DCHS2: variants seen among roughly 807,000 people sequenced by gnomAD.
The protein encoded by DCHS2 is dachsous cadherin-related 2, also known as protocadherin-23.
A neutral mutation model predicts 182.4 loss-of-function variants in DCHS2; 142 were observed. The observed-to-expected ratio is 0.78, with a 90% confidence interval of 0.68 to 0.89. DCHS2 has a LOEUF of 0.89. Among genes scored for constraint, DCHS2 ranks in the 40% least tolerant of loss-of-function variants. DCHS2 has a pLI of 0.00. For missense variants in DCHS2, 4,319 were observed against 4,198.6 expected (o/e 1.03, Z -0.79); for synonymous variants, 1,740 against 1,663.3 (o/e 1.05, Z -1.12).
Position 154,491,344 on chromosome 4 carries a change from A to G in DCHS2, c.12T>C (p.Cys4=). 1 of 1,534,134 alleles carries G rather than the reference A, an allele frequency of 6.5e-7. No individual in the cohort carries two copies. Among genetic ancestry groups the G allele is most frequent in the South Asian group, 1.2e-5 (1 of 82,310 alleles). The part of the protein sequence containing the change: MSP[C]GRKMGEGRQQ... ...GACGCCCTTCGCCCATCTTCCGCCCACAAGGGCTCATTTCTCCTCCAGCTC... is the reference window on the plus strand; with the variant it reads ...GACGCCCTTCGCCCATCTTCCGCCCGCAAGGGCTCATTTCTCCTCCAGCTC... Residue 4 remains cysteine, a synonymous_variant, in exon 1 of 20, where the codon TGT becomes TGC. Transcript: ENST00000357232.
intron 18 of DCHS2, among the ~76,000 whole-genome samples, 192 bp from the exon 19 acceptor site, chr4:154,239,494 G>GA (rs1731698986): frequency 2.0e-5 from 3 of 152,098 alleles, no homozygotes; most frequent in Admixed American, 6.5e-5. Flanking sequence ...CCTGGATTCA[G>GA]AAAAAAAGGT....
intron 13 of DCHS2, among the ~76,000 whole-genome samples, chr4:154,283,941 G>T (rs960779627): frequency 6.6e-6 from 1 of 152,134 alleles, no homozygotes; most frequent in Admixed American, 6.6e-5. Flanking sequence ...CTAGAATCCA[G>T]AGCCTGCATG....
intron 1 of DCHS2, among the ~76,000 whole-genome samples, chr4:154,398,535 T>A (rs889568781): frequency 2.6e-5 from 4 of 152,194 alleles, no homozygotes; most frequent in African/African-American, 9.7e-5. Context: ...CAACACATCA[T>A]TGTTGGGATC....
At chr4:154,434,958 T>C (rs6833061) in intron 1 of DCHS2, among the ~76,000 whole-genome samples, 123,154 of 152,004 alleles carry the variant, frequency 0.81, 52,960 homozygotes, top group Non-Finnish European at 0.95. Context: ...CAGGGAGACA[T>C]GCTGCATAAA....
intron 13 of DCHS2, among the ~76,000 whole-genome samples, chr4:154,286,012 A>C (rs1014088813): frequency 2.0e-5 from 3 of 152,172 alleles, no homozygotes; most frequent in Non-Finnish European, 4.4e-5. Flanking sequence ...AGCTTCAGGC[A>C]GCTCAGCACA....
At position 154,235,247 on chromosome 4, in the gene DCHS2, G is replaced by T; in HGVS notation, c.9405C>A (p.Ile3135=). 6.2e-7 allele frequency: 1 copy of T among 1,614,048 alleles called. No individual in the cohort carries two copies. The highest frequency in any genetic ancestry group is 1.1e-5 in the South Asian group (1 of 91,078). Residue 3135 remains isoleucine (I), a synonymous_variant, in exon 20 of 20, where the codon ATC becomes ATA. Transcript: ENST00000357232. ...AGGAGAGCTGGTCTGAGTCCCTCGGGATACCCGAGTCTGGCACCCTGGACT... is the reference window on the plus strand; with the variant it reads ...AGGAGAGCTGGTCTGAGTCCCTCGGTATACCCGAGTCTGGCACCCTGGACT... ...DHESRVPDSG[I]PRDSDQLSCL...
chr4:154,274,809 AT>A (rs150861343), intron 13 of DCHS2, among the ~76,000 whole-genome samples: 2,514 of 152,000 alleles, frequency 0.017, 58 homozygotes, highest in African/African-American at 0.047. Context: ...GCCAAAAGCA[AT>A]TTTTTTTAAC....
At chr4:154,482,885 A>T (rs1310207867) in intron 1 of DCHS2, among the ~76,000 whole-genome samples, 1 of 152,236 alleles carries the variant, frequency 6.6e-6, no homozygotes, top group Non-Finnish European at 1.5e-5. Flanking sequence ...TCTACTGAGT[A>T]GGAAGCATAG....
chr4:154,296,287 A>G (rs1734920189), intron 13 of DCHS2, among the ~76,000 whole-genome samples: 1 of 152,202 alleles, frequency 6.6e-6, no homozygotes, highest in Non-Finnish European at 1.5e-5. Context: ...AAAGAGATTC[A>G]GAACAGTTAC....
intron 1 of DCHS2, among the ~76,000 whole-genome samples, chr4:154,425,389 C>T (rs1191794305): frequency 2.6e-5 from 4 of 152,212 alleles, no homozygotes; most frequent in African/African-American, 9.6e-5. Flanking sequence ...GAGTGCATTT[C>T]TTCCAGATAG....
rs143907264 is a variant in DCHS2, at chr4:154,250,438, T to C, written c.6941+5081A>G. Among the ~76,000 whole-genome samples the C allele has an allele frequency of 9.9e-3, 1,503 of 152,290 alleles. 20 individuals carry two copies. The highest frequency in any genetic ancestry group is 0.035 in the African/African-American group (1,439 of 41,566). On this transcript the variant is annotated intron_variant, in intron 16 of 19. Coordinates refer to ENST00000357232, the MANE Select transcript of DCHS2 (RefSeq NM_001358235.2). Reference sequence around the variant, plus strand: ...ATGAATCTCAAATCCATATCTTGAGTGAAGACCCCTACCCTGAGCTACAGA... The same window carrying C: ...ATGAATCTCAAATCCATATCTTGAGCGAAGACCCCTACCCTGAGCTACAGA...
intron 3 of DCHS2, among the ~76,000 whole-genome samples, chr4:154,356,159 AC>A (rs1298285026): frequency 5.3e-5 from 8 of 151,884 alleles, no homozygotes; most frequent in African/African-American, 1.9e-4. Context: ...CATGCTCTTG[AC>A]CCTGTGTAGG....
chr4:154,271,191 A>G lies in DCHS2; in HGVS notation c.6464-1178T>C, dbSNP rs928563332. ...AATAGGAAGTATAAATACAGTGTGA[A>G]GAAGGGTAAGAGAGGTAGCAAGAGA... On this transcript the variant is annotated intron_variant, in intron 13 of 19. Transcript: ENST00000357232. 3.0e-4 allele frequency among the ~76,000 whole-genome samples: 46 copies of G among 152,160 alleles called. 1 individual carries two copies. Among genetic ancestry groups the G allele is most frequent in the Admixed American group, 3.0e-3 (46 of 15,258 alleles).
intron 2 of DCHS2, among the ~76,000 whole-genome samples, chr4:154,375,682 C>T (rs986027694): frequency 2.0e-5 from 3 of 151,938 alleles, no homozygotes; most frequent in Admixed American, 6.6e-5. Flanking sequence ...AAATATCAAA[C>T]ATTAGGGAGA....
intron 7 of DCHS2, among the ~76,000 whole-genome samples, chr4:154,324,583 C>G (rs1316697890): frequency 6.6e-6 from 1 of 152,190 alleles, no homozygotes; most frequent in Non-Finnish European, 1.5e-5. Flanking sequence ...AGTTAAATAA[C>G]AGATTTGTAT....
intron 1 of DCHS2, among the ~76,000 whole-genome samples, chr4:154,429,284 A>C (rs1356045012): frequency 7.9e-5 from 12 of 152,134 alleles, no homozygotes; most frequent in Admixed American, 7.9e-4. Context: ...ATGACTGTTC[A>C]TCATTTTTTT....
intron 1 of DCHS2, among the ~76,000 whole-genome samples, chr4:154,395,595 G>A (rs763088727): frequency 5.3e-5 from 8 of 152,158 alleles, no homozygotes; most frequent in Non-Finnish European, 1.0e-4. Context: ...GCCCAGTAGG[G>A]TTTTTGATTC....
intron 1 of DCHS2, among the ~76,000 whole-genome samples, chr4:154,442,031 T>A (rs1171272565): frequency 2.6e-5 from 4 of 152,084 alleles, no homozygotes; most frequent in Non-Finnish European, 5.9e-5. Flanking sequence ...CATAACCTCA[T>A]CAAATATACC....
chr4:154,238,641 A>G (rs982598815), intron 19 of DCHS2, among the ~76,000 whole-genome samples: 3 of 152,220 alleles, frequency 2.0e-5, no homozygotes, highest in Non-Finnish European at 4.4e-5. Flanking sequence ...GGAAGCATCA[A>G]ATAAACCAAA....
Sources: gnomAD v4.1 joint callset for allele counts (sites outside exome capture counted in the v4.1 genomes callset) on GRCh38, gnomAD v4.1.1 for gene constraint, MANE v1.5 for transcripts, NCBI Gene and HGNC (gene_info 2026-07-23, HGNC 2026-07-21) for gene names.